CDK5RAP2: variants seen among roughly 807,000 people sequenced by gnomAD.
CDK5RAP2 encodes the protein CDK5 regulatory subunit associated protein 2.
CDK5RAP2 carries 147 observed loss-of-function variants against 232.9 expected under a neutral mutation model. The ratio of observed to expected loss-of-function variants is 0.63; its 90% confidence interval spans 0.55 to 0.72. The LOEUF (loss-of-function observed/expected upper bound fraction) is 0.72. Among genes scored for constraint, CDK5RAP2 ranks in the 30% least tolerant of loss-of-function variants. The pLI is 0.00. For synonymous variants in CDK5RAP2, 833 were observed against 833.7 expected (o/e 1.00, Z 0.01); for missense variants, 2,195 against 2,231.5 (o/e 0.98, Z 0.33).
chr9:120,559,173 G>A (rs2042361833), intron 3 of CDK5RAP2, among the ~76,000 whole-genome samples: 1 of 152,138 alleles, frequency 6.6e-6, no homozygotes, highest in Non-Finnish European at 1.5e-5. Context: ...GTTTAATATA[G>A]TTGCTAGTAA....
At chr9:120,543,657 G>A (rs1362811397) in intron 5 of CDK5RAP2, among the ~76,000 whole-genome samples, 2 of 152,086 alleles carry the variant, frequency 1.3e-5, no homozygotes, top group South Asian at 4.1e-4. Flanking sequence ...CCAGGGGTTC[G>A]AGACCAGCCT....
At chr9:120,499,010 G>T (rs1204988904) in intron 12 of CDK5RAP2, among the ~76,000 whole-genome samples, 1 of 152,070 alleles carries the variant, frequency 6.6e-6, no homozygotes, top group African/African-American at 2.4e-5. Flanking sequence ...CTCCCAAAGT[G>T]CTGGGATTAC....
chr9:120,467,839 G>A, intron 18 of CDK5RAP2, 21 bp downstream of exon 18: 1 of 1,613,294 alleles, frequency 6.2e-7, no homozygotes, highest in Non-Finnish European at 8.5e-7. Context: ...ATCAGCACAT[G>A]ACAACAAAAA....
chr9:120,579,188 T>A (rs991293039), intron 1 of CDK5RAP2, among the ~76,000 whole-genome samples: 1 of 152,192 alleles, frequency 6.6e-6, no homozygotes, highest in East Asian at 1.9e-4. Flanking sequence ...CTGATTCATA[T>A]CACCTTTGAT....
At chr9:120,476,294 G>A (rs1003053369) in intron 15 of CDK5RAP2, among the ~76,000 whole-genome samples, 6 of 151,630 alleles carry the variant, frequency 4.0e-5, no homozygotes, top group African/African-American at 4.8e-5. Flanking sequence ...AGAGAGCCAG[G>A]GCCAATCTTG....
At chr9:120,408,238 AG>A in intron 31 of CDK5RAP2, 108 bp downstream of exon 31, 1 of 1,291,086 alleles carries the variant, frequency 7.7e-7, no homozygotes, top group East Asian at 2.3e-5. Context: ...TCTACCCACA[AG>A]GCCAGAGTGG....
intron 20 of CDK5RAP2, among the ~76,000 whole-genome samples, chr9:120,455,694 A>G (rs543065503): frequency 2.0e-5 from 3 of 151,714 alleles, no homozygotes; most frequent in Non-Finnish European, 4.4e-5. Context: ...CTGAGATCAC[A>G]CCACTGCACT....
chr9:120,434,257 A>C (rs1397870049), intron 25 of CDK5RAP2, among the ~76,000 whole-genome samples: 2 of 152,152 alleles, frequency 1.3e-5, no homozygotes, highest in African/African-American at 2.4e-5. Context: ...ACAGAAGAGA[A>C]AGTGCAAAGC....
intron 5 of CDK5RAP2, among the ~76,000 whole-genome samples, chr9:120,544,189 A>G (rs968644678): frequency 2.0e-5 from 3 of 152,302 alleles, no homozygotes; most frequent in African/African-American, 7.2e-5. Flanking sequence ...ATGTGTTGCT[A>G]TTGAGGAGTG....
chr9:120,475,840 A>G (rs895236646), intron 15 of CDK5RAP2, among the ~76,000 whole-genome samples: 1 of 152,150 alleles, frequency 6.6e-6, no homozygotes, highest in African/African-American at 2.4e-5. Flanking sequence ...GGCCCTGGGG[A>G]GCAGAGACAG....
At chr9:120,494,667 T>C (rs2039071961) in intron 12 of CDK5RAP2, among the ~76,000 whole-genome samples, 1 of 151,988 alleles carries the variant, frequency 6.6e-6, no homozygotes, top group African/African-American at 2.4e-5. Context: ...GTAGACATAA[T>C]ACAACTAATA....
chr9:120,467,285 T>C (rs780327668), intron 18 of CDK5RAP2, among the ~76,000 whole-genome samples: 1 of 152,206 alleles, frequency 6.6e-6, no homozygotes, highest in Non-Finnish European at 1.5e-5. Flanking sequence ...TCTGGGTGGT[T>C]TGGAAACTCT....
chr9:120,443,112 C>G (rs77134647), intron 23 of CDK5RAP2, among the ~76,000 whole-genome samples: 11,022 of 152,250 alleles, frequency 0.072, 725 homozygotes, highest in African/African-American at 0.18. Flanking sequence ...CAACTTGCCT[C>G]TGCCCTCACC....
chr9:120,522,304 G>A (rs573460267), intron 11 of CDK5RAP2, among the ~76,000 whole-genome samples: 2 of 152,226 alleles, frequency 1.3e-5, no homozygotes, highest in Non-Finnish European at 2.9e-5. Context: ...AGAATATAAA[G>A]GATGTATATG....
chr9:120,437,441 G>A lies in CDK5RAP2; in HGVS notation c.3809C>T (p.Ser1270Phe), dbSNP rs2035649919. ...AATCATGGTGTTCATGTGTTGACGG[G>A]AGATGACACAGATGCCATGGCCATC... is the stretch of plus-strand genomic sequence containing the variant. ...IKDGHGICVISRQHMNTMIKA... is the reference protein window; with the variant it reads ...IKDGHGICVIFRQHMNTMIKA... Residue 1270 changes from serine (S) to phenylalanine (F), a missense_variant, in exon 25 of 38, where the codon TCC becomes TTC. Transcript: ENST00000349780. 1.9e-6 allele frequency: 3 copies of A among 1,614,074 alleles called. No individual in the cohort carries two copies. The highest frequency in any genetic ancestry group is 1.1e-5 in the South Asian group (1 of 91,082).
At position 120,407,197 on chromosome 9, in the gene CDK5RAP2, C is replaced by T. The variant is rs755709663; in HGVS notation, c.4778G>A (p.Ser1593Asn). ...CAGAGCCTGGATCTCCATCAGGAGG[C>T]TGTGCAGGTCCCTGAAAGGATCCTG... ...KGQDPFRDLH[S>N]LLMEIQALRL... Residue 1593 changes from serine (S) to asparagine (N), a missense_variant, in exon 32 of 38, where the codon AGC becomes AAC. Ser to Asn is a conservative substitution (Grantham distance 46). Coordinates refer to ENST00000349780, the MANE Select transcript of CDK5RAP2 (RefSeq NM_018249.6). The T allele has an allele frequency of 1.2e-6, 2 of 1,613,792 alleles. No individual in the cohort carries two copies. Among genetic ancestry groups the T allele is most frequent in the Admixed American group, 3.3e-5 (2 of 60,030 alleles).
Position 120,409,177 on chromosome 9 carries a change from G to T in CDK5RAP2, c.4554C>A (p.His1518Gln). 1.2e-6 allele frequency: 2 copies of T among 1,613,536 alleles called. No individual in the cohort carries two copies. The highest frequency in any genetic ancestry group is 1.1e-5 in the South Asian group (1 of 91,048). The change falls in exon 30 of 38, where the codon CAC (histidine) becomes CAA (glutamine). Residue 1518 changes from histidine to glutamine, a missense_variant. His to Gln is a conservative substitution (Grantham distance 24). Coordinates refer to ENST00000349780, the MANE Select transcript of CDK5RAP2 (RefSeq NM_018249.6). ...GGACCTCCTGGATCAGCTGCTGGTT[G>T]TGTCTCTCCTTCTCGCTGCCTTCTT... ...LQKEGSEKER[H>Q]NQQLIQEVRC...
chr9:120,543,080 C>T (rs1008318916), intron 5 of CDK5RAP2, among the ~76,000 whole-genome samples: 2 of 152,180 alleles, frequency 1.3e-5, no homozygotes, highest in African/African-American at 2.4e-5. Flanking sequence ...TGGGTCACTG[C>T]GAACATTCTT....
At chr9:120,426,424 C>A (rs867999097) in intron 25 of CDK5RAP2, among the ~76,000 whole-genome samples, 1 of 152,130 alleles carries the variant, frequency 6.6e-6, no homozygotes, top group Non-Finnish European at 1.5e-5. Flanking sequence ...AAGTGGGTGG[C>A]GGGCTTCCAG....
Sources: gnomAD v4.1 joint callset for allele counts (sites outside exome capture counted in the v4.1 genomes callset) on GRCh38, gnomAD v4.1.1 for gene constraint, MANE v1.5 for transcripts, NCBI Gene and HGNC (gene_info 2026-07-23, HGNC 2026-07-21) for gene names.